The following LMNB2 variants were observed in gnomAD, a reference collection of about 807,000 sequenced individuals.
The protein encoded by LMNB2 is lamin-B2.
Under a neutral mutation model 69.3 loss-of-function variants are expected in LMNB2, and 17 were observed. The observed-to-expected ratio is 0.25, with a 90% confidence interval of 0.17 to 0.37. The LOEUF (loss-of-function observed/expected upper bound fraction) is 0.37. Ranked by LOEUF, LMNB2 falls within the 10% of genes least tolerant of loss-of-function variation. The pLI is 1.00. For synonymous variants in LMNB2, 397 were observed against 389.3 expected, an observed-to-expected ratio of 1.02 and a Z score of -0.23; for missense variants, 789 against 883.6, an observed-to-expected ratio of 0.89 and a Z score of 1.36.
chr19:2,435,014 G>C lies in LMNB2; in HGVS notation c.842C>G (p.Thr281Ser). 1 of 1,608,242 alleles carries C rather than the reference G, an allele frequency of 6.2e-7. No homozygotes were observed. The highest frequency in any genetic ancestry group is 8.5e-7 in the Non-Finnish European group (1 of 1,179,460). The stretch of plus-strand genomic sequence containing the variant: ...TGCCGGCCACACCTTGGCCTGGTAG[G>C]TCTGCTCCAGCTCCAGCTTGTAGAG... Reference protein sequence around the residue: ...VRLYKLELEQTYQAKLDSAKL... With the variant: ...VRLYKLELEQSYQAKLDSAKL... Residue 281 changes from threonine (T) to serine (S), a missense_variant, in exon 5 of 12, where the codon ACC becomes AGC. By Grantham distance (58) the Thr-to-Ser change is moderately conservative. Coordinates refer to ENST00000325327, the MANE Select transcript of LMNB2 (RefSeq NM_032737.4).
At chr19:2,444,348 G>A (rs990316377) in intron 2 of LMNB2, 56 bp downstream of exon 2, 50 of 1,607,306 alleles carry the variant, frequency 3.1e-5, no homozygotes, top group Non-Finnish European at 4.0e-5. Context: ...ACCTGCCCCC[G>A]TCCACCCCGT....
chr19:2,430,942 C>T lies in LMNB2; in HGVS notation c.1832G>A (p.Arg611Lys). 7 of 1,609,796 alleles carry T rather than the reference C, an allele frequency of 4.3e-6. No homozygotes were observed. Among genetic ancestry groups the T allele is most frequent in the Non-Finnish European group, 6.0e-6 (7 of 1,176,334 alleles). Residue 611 changes from arginine to lysine, a missense_variant, in exon 12 of 12, where the codon AGG (arginine) becomes AAG (lysine). Arg to Lys is a conservative substitution (Grantham distance 26). Coordinates refer to ENST00000325327, the MANE Select transcript of LMNB2 (RefSeq NM_032737.4). ...CACGTAGCAGCCTCTTGAGGTGGTCCTCGGGTCCCCCTGCAGGAAGGAAGG... is the reference window on the plus strand; with the variant it reads ...CACGTAGCAGCCTCTTGAGGTGGTCTTCGGGTCCCCCTGCAGGAAGGAAGG... ...EDLFHQQGDP[R>K]TTSRGCYVM
chr19:2,455,440 CCT>C (rs776603662), intron 1 of LMNB2, among the ~76,000 whole-genome samples: 46 of 152,092 alleles, frequency 3.0e-4, no homozygotes, highest in Non-Finnish European at 4.4e-4. Flanking sequence ...TCCTTGGAAT[CCT>C]CTGAGGGACG....
chr19:2,429,194 G>T lies in LMNB2; in HGVS notation c.*1717C>A, dbSNP rs1373606936. The T allele has an allele frequency of 6.6e-6, 1 of 152,252 alleles. No individual in the cohort carries two copies. The highest frequency in any genetic ancestry group is 1.5e-5 in the Non-Finnish European group (1 of 68,074). 9.4% of individuals were successfully genotyped at this position (152,252 alleles called of 1,614,324 possible). A position where few individuals can be genotyped will look rare whatever the true frequency, so the allele number is the denominator to read the frequency against. ...CCCCCAGAACCCTCGCTAGCACGAAGCCCAGCCAGTCGGGTCCGGGTGATT... is the reference window on the plus strand; with the variant it reads ...CCCCCAGAACCCTCGCTAGCACGAATCCCAGCCAGTCGGGTCCGGGTGATT... On this transcript the variant is annotated 3_prime_UTR_variant, in exon 12 of 12. Coordinates refer to ENST00000325327, the MANE Select transcript of LMNB2 (RefSeq NM_032737.4).
In LMNB2 at chr19:2,434,056, T is replaced by G; in HGVS notation, c.1252A>C (p.Thr418Pro). Residue 418 changes from threonine to proline, a missense_variant, in exon 8 of 12, where the codon ACC (threonine) becomes CCC (proline). Thr to Pro is a conservative substitution (Grantham distance 38). This residue lies in a region of LMNB2 where 609 missense variants were observed against 630.9 expected (regional missense o/e 0.97). Transcript: ENST00000325327. ...GACAAGCTGCCGCTGCTGCTCGAGG[T>G]GGCTCGTGAGACGGTGACGCGCGAG... ...PSSRVTVSRA[T>P]SSSSGSLSAT... 1.2e-6 allele frequency: 2 copies of G among 1,600,064 alleles called. No individual in the cohort carries two copies. Among genetic ancestry groups the G allele is most frequent in the Non-Finnish European group, 1.7e-6 (2 of 1,174,668 alleles).
chr19:2,435,024 GC>G lies in LMNB2; in HGVS notation c.831del (p.Glu277AspfsTer15). On this transcript the variant is annotated frameshift_variant, in exon 5 of 12. Transcript: ENST00000325327. LOFTEE classifies it high-confidence loss of function. ...ACCTTGGCCTGGTAGGTCTGCTCCA[GC>G]TCCAGCTTGTAGAGCCGCACTTGCT... ...HDEQVRLYKL[E>X]LEQTYQAKLD... is the part of the protein sequence containing the mutation. The G allele has an allele frequency of 6.4e-7, 1 of 1,561,130 alleles. No individual in the cohort carries two copies. The highest frequency in any genetic ancestry group is 8.7e-7 in the Non-Finnish European group (1 of 1,150,588).
At chr19:2,449,421 C>A (rs1028798598) in intron 1 of LMNB2, among the ~76,000 whole-genome samples, 1 of 152,222 alleles carries the variant, frequency 6.6e-6, no homozygotes, top group African/African-American at 2.4e-5. Context: ...TGTCACTAAA[C>A]GACACCTGAC....
At chr19:2,433,203 C>T in intron 8 of LMNB2, among the ~76,000 whole-genome samples, 1 of 78,566 alleles carries the variant, frequency 1.3e-5, no homozygotes, top group African/African-American at 5.9e-5. Flanking sequence ...CACCTTGTCC[C>T]CTGCCTCGTA....
intron 1 of LMNB2, among the ~76,000 whole-genome samples, chr19:2,455,959 ACCCTT>A (rs1972082950): frequency 7.1e-6 from 1 of 140,952 alleles, no homozygotes; most frequent in Admixed American, 7.0e-5. Context: ...CCAAGCCGGG[ACCCTT>A]CCCGGTCTGC....
chr19:2,448,042 T>C (rs1971977914), intron 1 of LMNB2, among the ~76,000 whole-genome samples: 1 of 152,180 alleles, frequency 6.6e-6, no homozygotes, highest in Non-Finnish European at 1.5e-5. Flanking sequence ...GGACCAATTG[T>C]AGGACGGGGA....
Position 2,438,488 on chromosome 19 carries a change from C to A in LMNB2, c.445G>T (p.Val149Leu), listed in dbSNP as rs1436197026. 1 of 1,611,694 alleles carries A rather than the reference C, an allele frequency of 6.2e-7. No homozygotes were observed. Among genetic ancestry groups the A allele is most frequent in the East Asian group, 2.2e-5 (1 of 44,880 alleles). The change falls in exon 3 of 12, where the codon GTG (valine) becomes TTG (leucine). Residue 149 changes from valine (V) to leucine (L), a missense_variant. Val to Leu is a conservative substitution (Grantham distance 32). Coordinates refer to ENST00000325327, the MANE Select transcript of LMNB2 (RefSeq NM_032737.4). Reference sequence around the variant, plus strand: ...TGGAACAGGGACTCCAGGTCCTTCACACGGCCCTGGGCCACCGTAAGCTCG... The same window carrying A: ...TGGAACAGGGACTCCAGGTCCTTCAAACGGCCCTGGGCCACCGTAAGCTCG... ...EGELTVAQGR[V>L]KDLESLFHRS...
chr19:2,436,716 G>A, intron 4 of LMNB2: 1 of 154,118 alleles, frequency 6.5e-6, no homozygotes, highest in Non-Finnish European at 1.4e-5. Context: ...CACCTCCACG[G>A]CCGCCCTCCC....
At position 2,438,544 on chromosome 19, in the gene LMNB2, AG is replaced by A. The variant is rs775425230; in HGVS notation, c.402-14del. 1.2e-6 allele frequency: 2 copies of A among 1,605,496 alleles called. No individual in the cohort carries two copies. The highest frequency in any genetic ancestry group is 2.2e-5 in the South Asian group (2 of 90,766). ...CCTCTTCTTGGCGCTGAAAGTCAAG[AG>A]GGCAAGTGAGTGGGGAGGGGCAAGG... On this transcript the variant is annotated splice_polypyrimidine_tract_variant and intron_variant, in intron 2 of 11. Coordinates refer to ENST00000325327, the MANE Select transcript of LMNB2 (RefSeq NM_032737.4).
chr19:2,440,108 G>A (rs1483616506), intron 2 of LMNB2, among the ~76,000 whole-genome samples: 1 of 146,674 alleles, frequency 6.8e-6, no homozygotes, highest in Non-Finnish European at 1.5e-5. Context: ...GTGACCGTAT[G>A]TCTGTCTAAG....
At position 2,428,879 on chromosome 19, in the gene LMNB2, G is replaced by C. The variant is rs1971696645; in HGVS notation, c.*2032C>G. 1 of 152,128 alleles carries C rather than the reference G, an allele frequency of 6.6e-6. No homozygotes were observed. Among genetic ancestry groups the C allele is most frequent in the African/African-American group, 2.4e-5 (1 of 41,396 alleles). 9.4% of individuals were successfully genotyped at this position (152,128 alleles called of 1,614,324 possible). ...TCCACGCTTCTCCCCACCCCCTTCA[G>C]CTAAGGGCACCCGCAGTCCTAGGAC... On this transcript the variant is annotated 3_prime_UTR_variant, in exon 12 of 12. Coordinates refer to ENST00000325327, the MANE Select transcript of LMNB2 (RefSeq NM_032737.4).
At chr19:2,439,413 G>A (rs867707267) in intron 2 of LMNB2, among the ~76,000 whole-genome samples, 4 of 152,064 alleles carry the variant, frequency 2.6e-5, no homozygotes, top group Non-Finnish European at 5.9e-5. Flanking sequence ...GTTCCGCAGC[G>A]TCACAACTGC....
chr19:2,446,568 G>A (rs1226831912), intron 1 of LMNB2, among the ~76,000 whole-genome samples: 2 of 152,210 alleles, frequency 1.3e-5, no homozygotes, highest in African/African-American at 2.4e-5. Context: ...ACAGGGCCAT[G>A]CACTCAGTGA....
At chr19:2,436,580 C>T (rs1302827547) in intron 4 of LMNB2, among the ~76,000 whole-genome samples, 1 of 147,546 alleles carries the variant, frequency 6.8e-6, no homozygotes, top group South Asian at 2.1e-4. Flanking sequence ...TTCACGGCTG[C>T]GCACCCACCT....
chr19:2,435,107 T>C lies in LMNB2; in HGVS notation c.749A>G (p.Gln250Arg), dbSNP rs1170256066. 6.2e-7 allele frequency: 1 copy of C among 1,608,894 alleles called. No individual in the cohort carries two copies. The highest frequency in any genetic ancestry group is 8.5e-7 in the Non-Finnish European group (1 of 1,179,750). Residue 250 changes from glutamine (Q) to arginine (R), a missense_variant, in exon 5 of 12, where the codon CAG becomes CGG. Physicochemically the swap from Gln to Arg is conservative, Grantham distance 43 (BLOSUM62 1). Around this residue, in one of 3 missense-constraint regions of LMNB2, gnomAD observed 609 missense variants for 630.9 expected, o/e 0.97. Transcript: ENST00000325327. ...CTGTGCCATCTTGAAGTCGTACTCC[T>C]GCTGCCGGCTGCTGTCCACCTCCAC... ...RLVEVDSSRQQEYDFKMAQAL... is the reference protein window; with the variant it reads ...RLVEVDSSRQREYDFKMAQAL...
Sources: allele counts gnomAD v4.1 joint callset (sites outside exome capture counted in the v4.1 genomes callset), GRCh38; gene constraint gnomAD v4.1.1; regional missense constraint gnomAD v4.1.1; transcripts MANE v1.5; gene names NCBI Gene and HGNC (gene_info 2026-07-23, HGNC 2026-07-21).